Variants in ADGRF4 observed in about 807,000 individuals in gnomAD.
ADGRF4 encodes adhesion G protein-coupled receptor F4, also known as G-protein coupled receptor PGR18.
A neutral mutation model predicts 58.5 loss-of-function variants in ADGRF4; 63 were observed. That is an observed-to-expected ratio of 1.08 (90% CI 0.88 to 1.33). The LOEUF (loss-of-function observed/expected upper bound fraction) is 1.33. Among genes scored for constraint, ADGRF4 ranks in the 40% most tolerant of loss-of-function variants. The pLI, the probability that ADGRF4 is intolerant of heterozygous loss-of-function variation, is 0.00. For missense variants in ADGRF4, 931 were observed against 843.9 expected (o/e 1.10, Z -1.28); for synonymous variants, 313 against 295.4 (o/e 1.06, Z -0.61).
At chr6:47,701,644 C>T (rs938118979) in intron 1 of ADGRF4, among the ~76,000 whole-genome samples, 30 of 152,140 alleles carry the variant, frequency 2.0e-4, no homozygotes, top group African/African-American at 7.2e-4. Flanking sequence ...TGTGGTCACC[C>T]AAGCTTTGCT....
At position 47,714,042 on chromosome 6, in the gene ADGRF4, C is replaced by A. The variant is rs774435929; in HGVS notation, c.797C>A (p.Thr266Lys). Reference sequence around the variant, plus strand: ...TTCTCCATGAGCATGAACAATACCACAGAAGATATCTTAGGAATGGTACAG... The same window carrying A: ...TTCTCCATGAGCATGAACAATACCAAAGAAGATATCTTAGGAATGGTACAG... ...LNFSMSMNNT[T>K]EDILGMVQIP... Residue 266 changes from threonine (T) to lysine (K), a missense_variant, in exon 6 of 10, where the codon ACA (threonine) becomes AAA (lysine). Transcript: ENST00000283303. 1 of 1,612,936 alleles carries A rather than the reference C, an allele frequency of 6.2e-7. No homozygotes were observed. The highest frequency in any genetic ancestry group is 1.1e-5 in the South Asian group (1 of 90,728).
chr6:47,719,936 A>G (rs1387139549), intron 9 of ADGRF4, among the ~76,000 whole-genome samples: 1 of 152,186 alleles, frequency 6.6e-6, no homozygotes, highest in Non-Finnish European at 1.5e-5. Context: ...TTTTGAAGCT[A>G]CATGAGGTAG....
intron 1 of ADGRF4, among the ~76,000 whole-genome samples, chr6:47,702,236 T>TTGTGTGTGTGTC (rs1771606924): frequency 6.6e-6 from 1 of 152,104 alleles, no homozygotes; most frequent in South Asian, 2.1e-4. Flanking sequence ...TCATGCCTGT[T>TTGTGTGTGTGTC]TGTGTGTGTG....
At chr6:47,699,690 C>A (rs1771541495) in intron 1 of ADGRF4, among the ~76,000 whole-genome samples, 1 of 152,122 alleles carries the variant, frequency 6.6e-6, no homozygotes, top group South Asian at 2.1e-4. Context: ...CTTTCTTTCC[C>A]CCAAGGCTCT....
intron 4 of ADGRF4, among the ~76,000 whole-genome samples, chr6:47,711,280 T>C (rs116738539): frequency 0.021 from 3,184 of 152,286 alleles, 109 homozygotes; most frequent in African/African-American, 0.073. Context: ...TTTTTTGTTT[T>C]TGAAATGGAG....
At chr6:47,710,590 C>T (rs1051376982) in intron 3 of ADGRF4, 145 bp from the exon 4 acceptor site, 4 of 665,168 alleles carry the variant, frequency 6.0e-6, no homozygotes. Flanking sequence ...GCAGCTCTTA[C>T]TCATTGCCGT....
At chr6:47,720,466 T>C (rs1163948097) in intron 9 of ADGRF4, among the ~76,000 whole-genome samples, 1 of 152,130 alleles carries the variant, frequency 6.6e-6, no homozygotes, top group Non-Finnish European at 1.5e-5. Flanking sequence ...ACTCCTCATA[T>C]CCCAATGATC....
In ADGRF4 at chr6:47,708,293, A is replaced by G; in HGVS notation, c.148+15A>G. ...AAGGATCCAAGGTATGTGGCTATAGAACAGTCTTCATCCATTTGAAGACAG... is the reference window on the plus strand; with the variant it reads ...AAGGATCCAAGGTATGTGGCTATAGGACAGTCTTCATCCATTTGAAGACAG... On this transcript the variant is annotated intron_variant, in intron 3 of 9. Transcript: ENST00000283303. 1 of 1,592,696 alleles carries G rather than the reference A, an allele frequency of 6.3e-7. No individual in the cohort carries two copies. The highest frequency in any genetic ancestry group is 1.1e-5 in the South Asian group (1 of 90,646).
chr6:47,701,710 A>G (rs1236945601), intron 1 of ADGRF4, among the ~76,000 whole-genome samples: 3 of 152,258 alleles, frequency 2.0e-5, no homozygotes, highest in Non-Finnish European at 4.4e-5. Context: ...GGCATTAGGT[A>G]GATGCCCAAC....
rs1166060613 is a variant in ADGRF4, at chr6:47,714,164, T to C, written c.919T>C (p.Leu307=). The change falls in exon 6 of 10, where the codon TTG becomes CTG. Residue 307 remains leucine (L), a synonymous_variant. Transcript: ENST00000283303. ...TLGAILREAH[L]QNVSLPRQVN... is the part of the protein sequence containing the mutation. The stretch of plus-strand genomic sequence containing the variant: ...GGGGGCTATCCTGAGAGAAGCCCAC[T>C]TGCAAAATGTGAGTCTTCCCAGACA... 6.2e-7 allele frequency: 1 copy of C among 1,614,020 alleles called. No homozygotes were observed. Among genetic ancestry groups the C allele is most frequent in the East Asian group, 2.2e-5 (1 of 44,882 alleles).
Position 47,712,383 on chromosome 6 carries a change from T to C in ADGRF4, c.327T>C (p.Ser109=). The change falls in exon 5 of 10, where the codon TCT becomes TCC. Residue 109 remains serine (S), a synonymous_variant. Coordinates refer to ENST00000283303, the MANE Select transcript of ADGRF4 (RefSeq NM_153838.5). ...ACTCAACTGGTGCATCTCGCCTTTC[T>C]GTAGCAGCACCATCTATACCTCTGC... ...FKDSTGASRL[S]VAAPSIPLHI... The C allele has an allele frequency of 6.2e-7, 1 of 1,614,048 alleles. No individual in the cohort carries two copies. The highest frequency in any genetic ancestry group is 8.5e-7 in the Non-Finnish European group (1 of 1,179,912).
intron 9 of ADGRF4, among the ~76,000 whole-genome samples, chr6:47,720,301 C>A (rs1313057625): frequency 2.0e-5 from 3 of 152,136 alleles, no homozygotes; most frequent in African/African-American, 7.2e-5. Flanking sequence ...CAGGGCAGGG[C>A]TGAACCACGA....
chr6:47,715,931 T>C (rs928012340), intron 6 of ADGRF4, among the ~76,000 whole-genome samples: 1 of 152,130 alleles, frequency 6.6e-6, no homozygotes, highest in Non-Finnish European at 1.5e-5. Flanking sequence ...AGAGCACATT[T>C]ATTATACTCT....
At chr6:47,719,018 A>C (rs538665365) in intron 9 of ADGRF4, among the ~76,000 whole-genome samples, 4 of 152,340 alleles carry the variant, frequency 2.6e-5, no homozygotes, top group Non-Finnish European at 5.9e-5. Flanking sequence ...AGGGATGATC[A>C]ACCTTGGGAA....
intron 2 of ADGRF4, 28 bp downstream of exon 2, chr6:47,707,366 C>G: frequency 7.4e-7 from 1 of 1,359,718 alleles, no homozygotes; most frequent in Non-Finnish European, 1.1e-6. Flanking sequence ...CTATGTGATC[C>G]GAGGAGAAAT....
rs1386346369 is a variant in ADGRF4 at position 47,710,891 on chromosome 6, T to G, written c.300+5T>G. On this transcript the variant is annotated splice_donor_5th_base_variant and intron_variant, in intron 4 of 9. Transcript: ENST00000283303. ...TCTGTGGAAAAACTCTTTAAGGTGA[T>G]GCATTCACAAATTATTGGTGACAGA... 1.2e-6 allele frequency: 2 copies of G among 1,607,476 alleles called. No homozygotes were observed. The highest frequency in any genetic ancestry group is 1.7e-6 in the Non-Finnish European group (2 of 1,178,128).
Position 47,717,135 on chromosome 6 carries a change from C to T in ADGRF4, c.1975-157C>T, listed in dbSNP as rs188005768. ...ATCCCAAATCTAATTATAATTACAC[C>T]CTAGCTTTTATCCAAATCTTGTTAC... On this transcript the variant is annotated intron_variant, in intron 7 of 9. Transcript: ENST00000283303. 1.3e-4 allele frequency among the ~76,000 whole-genome samples: 20 copies of T among 152,194 alleles called. No homozygotes were observed. The East Asian group carries it at 3.3e-3, about 25-fold the overall frequency.
rs191744293 is a variant in ADGRF4 at position 47,707,512 on chromosome 6, G to A, written c.93+174G>A. ...AACAAAGAAAAGCTGAGAGGTGGCA[G>A]GGACTTGCCTGGAGAGCTACAGTAC... On this transcript the variant is annotated intron_variant, in intron 2 of 9. Transcript: ENST00000283303. Among the ~76,000 whole-genome samples, 16 of 152,356 alleles carry A rather than the reference G, an allele frequency of 1.1e-4. No individual in the cohort carries two copies. The East Asian group carries it at 2.9e-3, about 28-fold the overall frequency.
Position 47,714,324 on chromosome 6 carries a change from A to T in ADGRF4, c.1079A>T (p.Asp360Val), listed in dbSNP as rs1189706015. 1 of 1,614,206 alleles carries T rather than the reference A, an allele frequency of 6.2e-7. No homozygotes were observed. Among genetic ancestry groups the T allele is most frequent in the Admixed American group, 1.7e-5 (1 of 60,026 alleles). ...VGWHSKKRRW[D>V]EKACQMMLDI... ...TGGCACTCCAAGAAAAGGAGATGGG[A>T]TGAGAAAGCGTGCCAAATGATGTTG... The change falls in exon 6 of 10, where the codon GAT becomes GTT. Residue 360 changes from aspartate (D) to valine (V), a missense_variant. Coordinates refer to ENST00000283303, the MANE Select transcript of ADGRF4 (RefSeq NM_153838.5).
Sources: gnomAD v4.1 joint callset for allele counts (sites outside exome capture counted in the v4.1 genomes callset) on GRCh38, gnomAD v4.1.1 for gene constraint, MANE v1.5 for transcripts, NCBI Gene and HGNC (gene_info 2026-07-23, HGNC 2026-07-21) for gene names.